The following SLC25A36 variants were observed in gnomAD, a reference collection of about 807,000 sequenced individuals.
SLC25A36 encodes solute carrier family 25 member 36, also known as epididymis secretory sperm binding protein.
SLC25A36 carries 24 observed loss-of-function variants against 35.3 expected under a neutral mutation model. That is an observed-to-expected ratio of 0.68 (90% confidence interval 0.49 to 0.96). The LOEUF is 0.96. Among genes scored for constraint, SLC25A36 ranks in the 40% least tolerant of loss-of-function variants. The pLI, the probability that SLC25A36 is intolerant of heterozygous loss-of-function variation, is 0.00. For missense variants in SLC25A36, 294 were observed against 381.1 expected, an observed-to-expected ratio of 0.77 and a Z score of 1.90; for synonymous variants, 141 against 132.2, an observed-to-expected ratio of 1.07 and a Z score of -0.46.
At chr3:140,942,963 A>G (rs1934057977) in intron 1 of SLC25A36, among the ~76,000 whole-genome samples, 1 of 152,182 alleles carries the variant, frequency 6.6e-6, no homozygotes, top group Non-Finnish European at 1.5e-5. Context: ...GAGAGAGGTC[A>G]GATTTTTTGA....
chr3:140,980,941 TTTC>T lies in SLC25A36; in HGVS notation c.*4491_*4493del, dbSNP rs753900613. Among the ~76,000 whole-genome samples the T allele has an allele frequency of 5.9e-5, 9 of 152,294 alleles. No homozygotes were observed. The highest frequency in any genetic ancestry group is 1.3e-4 in the Non-Finnish European group (9 of 68,026). On this transcript the variant is annotated 3_prime_UTR_variant, in exon 7 of 7. Transcript: ENST00000324194. The stretch of plus-strand genomic sequence containing the variant: ...GTGTTTATACAGTGGTGTCATGTGA[TTTC>T]TTAATAGCCTATAGATCCAATAAAT...
chr3:140,958,960 T>TTGTG (rs377492880), intron 2 of SLC25A36, among the ~76,000 whole-genome samples: 2,702 of 112,608 alleles, frequency 0.024, 46 homozygotes, highest in Non-Finnish European at 0.031. Context: ...AAACAATGTT[T>TTGTG]TGTGTGTGTG....
chr3:140,965,678 G>C (rs1176067081), intron 4 of SLC25A36: 2 of 151,780 alleles, frequency 1.3e-5, no homozygotes, highest in African/African-American at 4.8e-5. Flanking sequence ...AGCCTCTAAA[G>C]TTGAGCTATA....
At chr3:140,971,018 T>C in intron 5 of SLC25A36, 25 bp downstream of exon 5, 1 of 1,018,752 alleles carries the variant, frequency 9.8e-7, no homozygotes, top group Non-Finnish European at 1.5e-6. Context: ...TAAAATAAAA[T>C]TGGTTAAAGT....
chr3:140,955,502 TAAG>T (rs1934456696), intron 1 of SLC25A36, among the ~76,000 whole-genome samples: 2 of 152,174 alleles, frequency 1.3e-5, no homozygotes, highest in African/African-American at 4.8e-5. Context: ...TATTTTAAAA[TAAG>T]AAAATAATAA....
chr3:140,947,961 A>G (rs1347866070), intron 1 of SLC25A36, among the ~76,000 whole-genome samples: 1 of 152,000 alleles, frequency 6.6e-6, no homozygotes, highest in East Asian at 1.9e-4. Flanking sequence ...TTTAATTATT[A>G]TTATTTTTTG....
intron 4 of SLC25A36, among the ~76,000 whole-genome samples, chr3:140,969,422 T>TA (rs1248969845): frequency 6.6e-6 from 1 of 151,922 alleles, no homozygotes; most frequent in Non-Finnish European, 1.5e-5. Flanking sequence ...GTTTTATACT[T>TA]ACATATGTAG....
chr3:140,961,708 T>C (rs1278529337), intron 3 of SLC25A36, among the ~76,000 whole-genome samples: 1 of 151,610 alleles, frequency 6.6e-6, no homozygotes, highest in East Asian at 1.9e-4. Context: ...ATAAAAAAAT[T>C]AGCCGGGTGT....
intron 2 of SLC25A36, among the ~76,000 whole-genome samples, chr3:140,958,410 G>T (rs1164688452): frequency 6.6e-6 from 1 of 152,126 alleles, no homozygotes; most frequent in African/African-American, 2.4e-5. Flanking sequence ...TGTTAATATG[G>T]TCTGTTAATT....
intron 2 of SLC25A36, among the ~76,000 whole-genome samples, chr3:140,958,575 G>A (rs1402212268): frequency 6.6e-6 from 1 of 152,114 alleles, no homozygotes; most frequent in African/African-American, 2.4e-5. Flanking sequence ...TAACTGAGTG[G>A]CAGGAGAAAT....
Position 140,941,877 on chromosome 3 carries a change from C to G in SLC25A36, c.-178C>G, listed in dbSNP as rs559493629. The G allele has an allele frequency of 2.4e-5, 12 of 505,652 alleles. No homozygotes were observed. In the East Asian group the frequency reaches 4.3e-4, roughly 18 times the overall value. 31.3% of individuals were successfully genotyped at this position (505,652 alleles called of 1,614,324 possible). A position where few individuals can be genotyped will look rare whatever the true frequency, so the allele number is the denominator to read the frequency against. On this transcript the variant is annotated 5_prime_UTR_variant, in exon 1 of 7. Transcript: ENST00000324194. ...CGGCGCGCTTAGGCAGGCGGTGGCG[C>G]GGCTGGAGTGCCGCGGGGAGGGCTG...
intron 1 of SLC25A36, among the ~76,000 whole-genome samples, chr3:140,954,506 G>A (rs1255959783): frequency 6.6e-6 from 1 of 152,292 alleles, no homozygotes; most frequent in South Asian, 2.1e-4. Flanking sequence ...ATTCCCACCA[G>A]CAGTGTAAGA....
At chr3:140,956,365 A>T (rs1301809145) in intron 1 of SLC25A36, among the ~76,000 whole-genome samples, 162 bp from the exon 2 acceptor site, 5 of 152,232 alleles carry the variant, frequency 3.3e-5, no homozygotes, top group African/African-American at 1.2e-4. Flanking sequence ...AAATCAAATA[A>T]TGGAATCTCT....
At chr3:140,969,557 T>A (rs1559816393) in intron 4 of SLC25A36, among the ~76,000 whole-genome samples, 1 of 151,878 alleles carries the variant, frequency 6.6e-6, no homozygotes, top group Non-Finnish European at 1.5e-5. Flanking sequence ...GAGCATCCAT[T>A]TGTATAACGT....
intron 3 of SLC25A36, among the ~76,000 whole-genome samples, chr3:140,960,669 A>G (rs1934604355): frequency 6.6e-6 from 1 of 152,242 alleles, no homozygotes; most frequent in African/African-American, 2.4e-5. Context: ...TCAAGGTGAT[A>G]AGGATAAAGA....
chr3:140,944,508 T>A (rs925447473), intron 1 of SLC25A36, among the ~76,000 whole-genome samples: 3 of 152,232 alleles, frequency 2.0e-5, no homozygotes, highest in Admixed American at 6.5e-5. Context: ...ATTTTAGCTG[T>A]ACCTCTAATG....
intron 5 of SLC25A36, among the ~76,000 whole-genome samples, chr3:140,971,655 T>C (rs1028200409): frequency 1.3e-5 from 2 of 152,118 alleles, no homozygotes; most frequent in African/African-American, 4.8e-5. Context: ...GGGCCTTTGG[T>C]GTTCTGGGAA....
At chr3:140,956,418 T>C (rs1934479434) in intron 1 of SLC25A36, 109 bp from the exon 2 acceptor site, 2 of 1,246,324 alleles carry the variant, frequency 1.6e-6, no homozygotes, top group African/African-American at 1.5e-5. Flanking sequence ...TTATAAATTT[T>C]AGTATGTTGG....
intron 2 of SLC25A36, 44 bp downstream of exon 2, chr3:140,956,735 T>C: frequency 6.5e-7 from 1 of 1,532,300 alleles, no homozygotes; most frequent in Non-Finnish European, 8.8e-7. Context: ...TTGTTTGCGT[T>C]AGTGAGTTCC....
Sources: gnomAD v4.1 joint callset for allele counts (sites outside exome capture counted in the v4.1 genomes callset) on GRCh38, gnomAD v4.1.1 for gene constraint, MANE v1.5 for transcripts, NCBI Gene and HGNC (gene_info 2026-07-23, HGNC 2026-07-21) for gene names.